Variants in PUS7L observed in about 807,000 individuals in gnomAD.
PUS7L encodes pseudouridylate synthase PUS7L.
PUS7L carries 49 observed loss-of-function variants against 51.1 expected under a neutral mutation model. That is an observed-to-expected ratio of 0.96 (90% CI 0.76 to 1.22). The LOEUF (loss-of-function observed/expected upper bound fraction) is 1.22. Ranked by LOEUF, PUS7L falls within the 50% of genes most tolerant of loss-of-function variation. The pLI is 0.00. For synonymous variants in PUS7L, 277 were observed against 276.2 expected (o/e 1.00, Z -0.03); for missense variants, 828 against 820.6 (o/e 1.01, Z -0.11).
intron 5 of PUS7L, chr12:43,740,901 G>A (rs556671461): frequency 9.9e-5 from 15 of 152,202 alleles, no homozygotes; most frequent in Non-Finnish European, 2.2e-4. Context: ...ACGAGCATGA[G>A]CTTGGAAGCA....
chr12:43,719,826 T>C lies in PUS7L; in HGVS notation c.*10550A>G, dbSNP rs576698462. Reference sequence around the variant, plus strand: ...ATTTCCTTTCCAATTATGATATTGGTTAGTTGTAACTGCATTATTTCCATC... The same window carrying C: ...ATTTCCTTTCCAATTATGATATTGGCTAGTTGTAACTGCATTATTTCCATC... On this transcript the variant is annotated 3_prime_UTR_variant, in exon 9 of 9. Coordinates refer to ENST00000344862, the MANE Select transcript of PUS7L (RefSeq NM_031292.5). 1 of 152,308 alleles carries C rather than the reference T, an allele frequency of 6.6e-6. No individual in the cohort carries two copies. Among genetic ancestry groups the C allele is most frequent in the Admixed American group, 6.5e-5 (1 of 15,290 alleles). The allele number at this position is 152,308 out of a possible 1,614,324, so 9.4% of individuals were successfully genotyped here.
intron 1 of PUS7L, 59 bp downstream of exon 1, chr12:43,758,662 CCCCCACACA>C: frequency 1.8e-5 from 14 of 765,788 alleles, no homozygotes; most frequent in East Asian, 3.0e-4. Flanking sequence ...TCACCCCCCC[CCCCCACACA>C]CACACACACA....
In PUS7L at chr12:43,730,906, A is replaced by G. The variant is rs114535061; in HGVS notation, c.1780-204T>C. On this transcript the variant is annotated intron_variant, in intron 8 of 8. Transcript: ENST00000344862. ...AGAAAATAGCTAACTAAAATCAAGG[A>G]CTCACAATAACTAAGGTAACCAACT... Among the ~76,000 whole-genome samples, 1,197 of 152,292 alleles carry G rather than the reference A, an allele frequency of 7.9e-3. 14 individuals carry two copies. The highest frequency in any genetic ancestry group is 0.027 in the African/African-American group (1,109 of 41,560).
Position 43,746,216 on chromosome 12 carries a change from T to A in PUS7L, c.1093A>T (p.Ile365Phe). 2 of 1,409,194 alleles carry A rather than the reference T, an allele frequency of 1.4e-6. No homozygotes were observed. The highest frequency in any genetic ancestry group is 1.9e-6 in the Non-Finnish European group (2 of 1,029,592). The allele number at this position is 1,409,194 out of a possible 1,614,324, so 87.3% of individuals were successfully genotyped here. A position where few individuals can be genotyped will look rare whatever the true frequency, so the allele number is the denominator to read the frequency against. Reference sequence around the variant, plus strand: ...AAGACATTCATTCTTTTCTTTTCAATTTCTTTTTCAATATTTTTCAACCTG... The same window carrying A: ...AAGACATTCATTCTTTTCTTTTCAAATTCTTTTTCAATATTTTTCAACCTG... ...PERLKNIEKE[I>F]EKKRMNVFNI... Residue 365 changes from isoleucine (I) to phenylalanine (F), a missense_variant, in exon 4 of 9, where the codon ATT becomes TTT. Ile to Phe is a conservative substitution (Grantham distance 21, BLOSUM62 0). Coordinates refer to ENST00000344862, the MANE Select transcript of PUS7L (RefSeq NM_031292.5).
rs994868286 is a variant in PUS7L at position 43,721,688 on chromosome 12, T to C, written c.*8688A>G. 2 of 152,160 alleles carry C rather than the reference T, an allele frequency of 1.3e-5. No individual in the cohort carries two copies. The highest frequency in any genetic ancestry group is 4.8e-5 in the African/African-American group (2 of 41,426). 9.4% of individuals were successfully genotyped at this position (152,160 alleles called of 1,614,324 possible). The stretch of plus-strand genomic sequence containing the variant: ...TGGTAGAGAACTATACAAAAGGCTA[T>C]GAGAACACAGATTTCACATAAAAGA... On this transcript the variant is annotated 3_prime_UTR_variant, in exon 9 of 9. Transcript: ENST00000344862.
In PUS7L at chr12:43,721,565, T is replaced by C. The variant is rs551921445; in HGVS notation, c.*8811A>G. ...AACCCTGTTATATGTCAGGCACTGA[T>C]AGGTGCCAGAGGTATAAAGATCAAT... On this transcript the variant is annotated 3_prime_UTR_variant, in exon 9 of 9. Transcript: ENST00000344862. 1 of 152,302 alleles carries C rather than the reference T, an allele frequency of 6.6e-6. No individual in the cohort carries two copies. Among genetic ancestry groups the C allele is most frequent in the African/African-American group, 2.4e-5 (1 of 41,586 alleles). The allele number at this position is 152,302 out of a possible 1,614,324, so 9.4% of individuals were successfully genotyped here.
At chr12:43,733,702 A>T (rs770381177) in intron 7 of PUS7L, among the ~76,000 whole-genome samples, 6 of 152,194 alleles carry the variant, frequency 3.9e-5, no homozygotes, top group Non-Finnish European at 8.8e-5. Context: ...TTAATTGGAC[A>T]TGTTTTCTGG....
At chr12:43,738,143 A>G (rs1937699457) in intron 6 of PUS7L, 167 bp downstream of exon 6, 2 of 531,984 alleles carry the variant, frequency 3.8e-6, no homozygotes, top group Non-Finnish European at 6.6e-6. Context: ...TCTGACCAAA[A>G]ACGAAGTGAG....
In PUS7L at chr12:43,729,282, A is replaced by G; in HGVS notation, c.*1094T>C. The G allele has an allele frequency of 2.5e-6, 1 of 397,484 alleles. No individual in the cohort carries two copies. Among genetic ancestry groups the G allele is most frequent in the East Asian group, 3.6e-5 (1 of 27,934 alleles). 24.6% of individuals were successfully genotyped at this position (397,484 alleles called of 1,614,324 possible). A position where few individuals can be genotyped will look rare whatever the true frequency, so the allele number is the denominator to read the frequency against. Reference sequence around the variant, plus strand: ...CTTTTGGATTTTATTTCCTAATGCTAACATTTCCCAAAATGGTTAAACTGG... The same window carrying G: ...CTTTTGGATTTTATTTCCTAATGCTGACATTTCCCAAAATGGTTAAACTGG... On this transcript the variant is annotated 3_prime_UTR_variant, in exon 9 of 9. Coordinates refer to ENST00000344862, the MANE Select transcript of PUS7L (RefSeq NM_031292.5).
chr12:43,735,370 T>C (rs1185821730), intron 7 of PUS7L, among the ~76,000 whole-genome samples: 2 of 150,958 alleles, frequency 1.3e-5, no homozygotes, highest in Admixed American at 1.3e-4. Flanking sequence ...AAATAAAAAA[T>C]AAAACTGGAC....
chr12:43,728,860 A>G lies in PUS7L; in HGVS notation c.*1516T>C, dbSNP rs1241819624. The G allele has an allele frequency of 1.1e-5, 2 of 182,510 alleles. No individual in the cohort carries two copies. The highest frequency in any genetic ancestry group is 2.0e-4 in the South Asian group (1 of 5,078). The allele number at this position is 182,510 out of a possible 1,614,324, so 11.3% of individuals were successfully genotyped here. On this transcript the variant is annotated 3_prime_UTR_variant, in exon 9 of 9. Coordinates refer to ENST00000344862, the MANE Select transcript of PUS7L (RefSeq NM_031292.5). ...TGAGGTAGGCAATGTTAACATGCCC[A>G]TTTTACAGATGTTGAAACTGAAGCC...
chr12:43,724,943 A>G lies in PUS7L; in HGVS notation c.*5433T>C, dbSNP rs1400517776. ...ATAAATAAAAGGGAAGATAAATTCA[A>G]TAAAACAATGCAATCCTATTACATT... On this transcript the variant is annotated 3_prime_UTR_variant, in exon 9 of 9. Transcript: ENST00000344862. 2 of 152,228 alleles carry G rather than the reference A, an allele frequency of 1.3e-5. No homozygotes were observed. The highest frequency in any genetic ancestry group is 4.8e-5 in the African/African-American group (2 of 41,462). The allele number at this position is 152,228 out of a possible 1,614,324, so 9.4% of individuals were successfully genotyped here. A position where few individuals can be genotyped will look rare whatever the true frequency, so the allele number is the denominator to read the frequency against.
chr12:43,719,683 A>G lies in PUS7L; in HGVS notation c.*10693T>C, dbSNP rs1279076933. ...ATCATTATAGTATTCACATAACATA[A>G]TACTGTCAAATTATATTTTTAAATG... On this transcript the variant is annotated 3_prime_UTR_variant, in exon 9 of 9. Transcript: ENST00000344862. The G allele has an allele frequency of 6.6e-6, 1 of 152,198 alleles. No individual in the cohort carries two copies. The highest frequency in any genetic ancestry group is 1.5e-5 in the Non-Finnish European group (1 of 68,026). 9.4% of individuals were successfully genotyped at this position (152,198 alleles called of 1,614,324 possible). A position where few individuals can be genotyped will look rare whatever the true frequency, so the allele number is the denominator to read the frequency against.
At chr12:43,742,343 G>A (rs1188202265) in intron 5 of PUS7L, 114 bp downstream of exon 5, 2 of 686,128 alleles carry the variant, frequency 2.9e-6, no homozygotes, top group Non-Finnish European at 5.1e-6. Flanking sequence ...AATATATTTG[G>A]TATGTGAGTG....
intron 5 of PUS7L, 36 bp from the exon 6 acceptor site, chr12:43,738,427 A>T (rs1390199442): frequency 2.8e-6 from 3 of 1,060,524 alleles, no homozygotes; most frequent in Non-Finnish European, 4.3e-6. Context: ...GTGTTAATGA[A>T]AATGTCAAAT....
In PUS7L at chr12:43,755,030, T is replaced by C. The variant is rs1938632037; in HGVS notation, c.216A>G (p.Lys72=). ...CTAAGGACAGATTTTGAAGATCTAG[T>C]TTTGGTTTTTTGGGAAAATTATTTG... ...LEPNNFPKKP[K]LDLQNLSLED... is the part of the protein sequence containing the mutation. Residue 72 remains lysine (K), a synonymous_variant, in exon 2 of 9, where the codon AAA becomes AAG. Coordinates refer to ENST00000344862, the MANE Select transcript of PUS7L (RefSeq NM_031292.5). 2 of 1,612,964 alleles carry C rather than the reference T, an allele frequency of 1.2e-6. No homozygotes were observed. Among genetic ancestry groups the C allele is most frequent in the African/African-American group, 2.7e-5 (2 of 74,846 alleles).
chr12:43,733,185 CAAAGA>C (rs1414099283), intron 7 of PUS7L, among the ~76,000 whole-genome samples: 1 of 152,128 alleles, frequency 6.6e-6, no homozygotes, highest in South Asian at 2.1e-4. Context: ...CACACACACA[CAAAGA>C]AAAGTTACCA....
At position 43,722,768 on chromosome 12, in the gene PUS7L, T is replaced by C. The variant is rs892791545; in HGVS notation, c.*7608A>G. The stretch of plus-strand genomic sequence containing the variant: ...CATTGGAAACAATGATCAGCTCAGA[T>C]TAAAACCCTATTGTACTGAAAAACT... On this transcript the variant is annotated 3_prime_UTR_variant, in exon 9 of 9. Coordinates refer to ENST00000344862, the MANE Select transcript of PUS7L (RefSeq NM_031292.5). The C allele has an allele frequency of 2.0e-5, 3 of 152,228 alleles. No individual in the cohort carries two copies. Among genetic ancestry groups the C allele is most frequent in the African/African-American group, 7.2e-5 (3 of 41,566 alleles). 9.4% of individuals were successfully genotyped at this position (152,228 alleles called of 1,614,324 possible).
chr12:43,753,292 C>T (rs989754266), intron 2 of PUS7L, among the ~76,000 whole-genome samples: 2 of 152,110 alleles, frequency 1.3e-5, no homozygotes, highest in Non-Finnish European at 2.9e-5. Context: ...TCAAGTACAA[C>T]CAAAAGTTAT....
Sources: gnomAD v4.1 joint callset for allele counts (sites outside exome capture counted in the v4.1 genomes callset) on GRCh38, gnomAD v4.1.1 for gene constraint, MANE v1.5 for transcripts, NCBI Gene and HGNC (gene_info 2026-07-23, HGNC 2026-07-21) for gene names.